The following ATP6V1H variants were observed in gnomAD, a reference collection of about 807,000 sequenced individuals.
ATP6V1H encodes the protein ATPase H+ transporting V1 subunit H.
Under a neutral mutation model 71.7 loss-of-function variants are expected in ATP6V1H, and 39 were observed. The ratio of observed to expected loss-of-function variants is 0.54; its 90% CI spans 0.42 to 0.71. The LOEUF (loss-of-function observed/expected upper bound fraction) is 0.71. Ranked by LOEUF, ATP6V1H falls within the 30% of genes least tolerant of loss-of-function variation. The pLI is 0.00. For synonymous variants in ATP6V1H, 192 were observed against 199.3 expected (o/e 0.96, Z 0.31); for missense variants, 509 against 594.9 (o/e 0.86, Z 1.50).
chr8:53,810,229 G>A (rs933180519), intron 7 of ATP6V1H, among the ~76,000 whole-genome samples: 6 of 152,100 alleles, frequency 3.9e-5, no homozygotes, highest in Middle Eastern at 3.2e-3. Flanking sequence ...TTCTGTCTCC[G>A]TTTTCCCTAA....
intron 12 of ATP6V1H, among the ~76,000 whole-genome samples, chr8:53,756,039 G>A (rs1020628663): frequency 1.0e-4 from 14 of 140,608 alleles, no homozygotes; most frequent in Non-Finnish European, 1.7e-4. Flanking sequence ...TTACAGGCGT[G>A]ATATATTTTT....
chr8:53,833,020 T>G lies in ATP6V1H; in HGVS notation c.180A>C (p.Glu60Asp), dbSNP rs762026518. 2.5e-6 allele frequency: 4 copies of G among 1,613,966 alleles called. No homozygotes were observed. The South Asian group carries it at 3.3e-5, about 13-fold the overall frequency. Residue 60 changes from glutamate to aspartate, a missense_variant, in exon 3 of 14, where the codon GAA becomes GAC. By Grantham distance (45) the Glu-to-Asp change is conservative. This residue lies in a region of ATP6V1H where 297 missense variants were observed against 303.3 expected (regional missense o/e 0.98). Coordinates refer to ENST00000359530, the MANE Select transcript of ATP6V1H (RefSeq NM_015941.4). ...CAGTTTGAAGCATCTCTTGCTTCTC[T>G]TCAGGGCTTCGTTTCATTTCAAACC... The part of the protein sequence containing the change: ...IQRFEMKRSP[E>D]EKQEMLQTEG...
At chr8:53,751,370 A>T (rs1413391988) in intron 12 of ATP6V1H, among the ~76,000 whole-genome samples, 1 of 152,222 alleles carries the variant, frequency 6.6e-6, no homozygotes, top group Non-Finnish European at 1.5e-5. Context: ...CTATGTGGAT[A>T]AAAAGGCTGT....
At chr8:53,819,806 A>ATG (rs531362176) in intron 4 of ATP6V1H, among the ~76,000 whole-genome samples, 27 of 146,014 alleles carry the variant, frequency 1.8e-4, no homozygotes, top group Non-Finnish European at 3.3e-4. Context: ...TACAAAGTAT[A>ATG]TGTGTGTGTG....
At chr8:53,824,544 G>A (rs930396898) in intron 4 of ATP6V1H, among the ~76,000 whole-genome samples, 9 of 152,028 alleles carry the variant, frequency 5.9e-5, no homozygotes, top group East Asian at 1.9e-4. Context: ...ATTTAACCTC[G>A]AATGCAAGGT....
At chr8:53,746,558 C>A (rs1199199947) in intron 12 of ATP6V1H, among the ~76,000 whole-genome samples, 3 of 152,164 alleles carry the variant, frequency 2.0e-5, no homozygotes, top group African/African-American at 7.2e-5. Flanking sequence ...AGCCACCGCA[C>A]CCATCCTATT....
In ATP6V1H at chr8:53,817,404, A is replaced by G. The variant is rs1487254950; in HGVS notation, c.420+13T>C. On this transcript the variant is annotated intron_variant, in intron 5 of 13. Transcript: ENST00000359530. ...AAATTTTAAAAAAAGAATCCAATCA[A>G]TTCAAAATTTACCATATGAACAGTG... 1 of 1,566,012 alleles carries G rather than the reference A, an allele frequency of 6.4e-7. No homozygotes were observed. Among genetic ancestry groups the G allele is most frequent in the Admixed American group, 1.7e-5 (1 of 57,660 alleles).
chr8:53,779,607 T>C (rs1298685042), intron 9 of ATP6V1H, among the ~76,000 whole-genome samples: 1 of 151,744 alleles, frequency 6.6e-6, no homozygotes, highest in Non-Finnish European at 1.5e-5. Flanking sequence ...CACCTGTTAT[T>C]TCTTTCTAAA....
chr8:53,723,628 C>G (rs1039326602), intron 13 of ATP6V1H, among the ~76,000 whole-genome samples: 2 of 152,304 alleles, frequency 1.3e-5, no homozygotes, highest in African/African-American at 4.8e-5. Flanking sequence ...TCTGGTAATT[C>G]CCCTGCTGGG....
At chr8:53,823,472 AT>A (rs1444865953) in intron 4 of ATP6V1H, among the ~76,000 whole-genome samples, 1 of 152,060 alleles carries the variant, frequency 6.6e-6, no homozygotes, top group East Asian at 1.9e-4. Context: ...ATATATTTAA[AT>A]ACTTAATTTT....
intron 2 of ATP6V1H, among the ~76,000 whole-genome samples, chr8:53,834,961 G>A (rs1043329183): frequency 1.3e-5 from 2 of 152,066 alleles, no homozygotes; most frequent in Non-Finnish European, 2.9e-5. Context: ...GGGCAACACC[G>A]TGAGATCCCC....
At chr8:53,779,560 T>A (rs758181464) in intron 9 of ATP6V1H, among the ~76,000 whole-genome samples, 1 of 151,330 alleles carries the variant, frequency 6.6e-6, no homozygotes, top group Non-Finnish European at 1.5e-5. Context: ...CCCCAGTTCC[T>A]TGTATAACTA....
intron 9 of ATP6V1H, among the ~76,000 whole-genome samples, chr8:53,792,025 A>C (rs1275954692): frequency 1.3e-5 from 2 of 152,250 alleles, no homozygotes; most frequent in Admixed American, 6.5e-5. Context: ...TAAGTAGAAG[A>C]AAAAAATACA....
intron 9 of ATP6V1H, among the ~76,000 whole-genome samples, chr8:53,775,359 C>A (rs1473828710): frequency 1.3e-5 from 2 of 152,176 alleles, no homozygotes; most frequent in Non-Finnish European, 2.9e-5. Context: ...TGGAAGGGGA[C>A]CGGAGCGGGT....
rs187632440 is a variant in ATP6V1H, at chr8:53,802,181, T to G, written c.580-285A>C. On this transcript the variant is annotated intron_variant, in intron 7 of 13. Coordinates refer to ENST00000359530, the MANE Select transcript of ATP6V1H (RefSeq NM_015941.4). ...TTTATATTTGATACAGTTTGATAAA[T>G]AAGCACACTGCCTTGCAATGTTTCA... 1.6e-4 allele frequency among the ~76,000 whole-genome samples: 24 copies of G among 152,294 alleles called. No homozygotes were observed. In the Middle Eastern group the frequency reaches 0.014, roughly 86 times the overall value.
chr8:53,836,562 CT>C (rs989261505), intron 2 of ATP6V1H, among the ~76,000 whole-genome samples: 2 of 152,180 alleles, frequency 1.3e-5, no homozygotes, highest in African/African-American at 4.8e-5. Flanking sequence ...ACTCTCCTCT[CT>C]ACTTCCCTGC....
At chr8:53,793,776 T>C (rs1809642201) in intron 9 of ATP6V1H, among the ~76,000 whole-genome samples, 1 of 152,042 alleles carries the variant, frequency 6.6e-6, no homozygotes, top group Admixed American at 6.5e-5. Context: ...CCATCTCTAC[T>C]AAAAACACAA....
At chr8:53,828,351 T>C (rs1482948985) in intron 4 of ATP6V1H, among the ~76,000 whole-genome samples, 1 of 152,180 alleles carries the variant, frequency 6.6e-6, no homozygotes, top group Non-Finnish European at 1.5e-5. Flanking sequence ...AAGAACCCTG[T>C]GGTGCTGCGC....
At chr8:53,763,104 AG>A (rs1222717413) in intron 11 of ATP6V1H, among the ~76,000 whole-genome samples, 38 of 152,256 alleles carry the variant, frequency 2.5e-4, no homozygotes, top group Non-Finnish European at 3.4e-4. Context: ...TCTAGTCAAC[AG>A]GAAGTTATTA....
Sources: allele counts gnomAD v4.1 joint callset (sites outside exome capture counted in the v4.1 genomes callset), GRCh38; gene constraint gnomAD v4.1.1; regional missense constraint gnomAD v4.1.1; transcripts MANE v1.5; gene names NCBI Gene and HGNC (gene_info 2026-07-23, HGNC 2026-07-21).